Variants in NLGN1 observed in about 807,000 individuals in gnomAD.
NLGN1 encodes the protein neuroligin-1.
NLGN1 carries 12 observed loss-of-function variants against 65.5 expected under a neutral mutation model. That is an observed-to-expected ratio of 0.18 (90% CI 0.12 to 0.30). The LOEUF is 0.30. NLGN1 is among the 10% of genes least tolerant of loss of function. NLGN1 has a pLI of 1.00. For synonymous variants in NLGN1, 350 were observed against 359.5 expected, an observed-to-expected ratio of 0.97 and a Z score of 0.30; for missense variants, 750 against 1,007.1, an observed-to-expected ratio of 0.74 and a Z score of 3.46.
In NLGN1 at chr3:173,501,074, T is replaced by C. The variant is rs1209080500; in HGVS notation, c.-321+65996T>C. Among the ~76,000 whole-genome samples, 4 of 152,156 alleles carry C rather than the reference T, an allele frequency of 2.6e-5. No individual in the cohort carries two copies. In the East Asian group the frequency reaches 7.7e-4, roughly 29 times the overall value. On this transcript the variant is annotated intron_variant, in intron 2 of 6. Coordinates refer to ENST00000457714, the Ensembl canonical transcript of NLGN1. ...GGTTTTTAAAAATCTTTTTCCAAGA[T>C]ATCTCAGAGTTTTATGTATTTATTT...
intron 4 of NLGN1, among the ~76,000 whole-genome samples, chr3:173,826,158 A>T (rs893639214): frequency 6.6e-6 from 1 of 152,056 alleles, no homozygotes; most frequent in African/African-American, 2.4e-5. Flanking sequence ...TAGTGGCTTA[A>T]AATGACAAAA....
rs1310440906 is a variant in NLGN1, at chr3:173,571,075, GGTCTTTCT to G, written c.-320-33201_-320-33194del. On this transcript the variant is annotated intron_variant, in intron 2 of 6. Coordinates refer to ENST00000457714, the Ensembl canonical transcript of NLGN1. ...AAAGCCACAAGACTAAGTTATCTGA[GGTCTTTCT>G]GTACCCCACACCACTTAAGGAAAAA... 2.0e-5 allele frequency among the ~76,000 whole-genome samples: 3 copies of G among 152,226 alleles called. No individual in the cohort carries two copies. In the East Asian group the frequency reaches 5.8e-4, roughly 29 times the overall value.
At chr3:173,671,320 C>T (rs1000345495) in intron 3 of NLGN1, among the ~76,000 whole-genome samples, 5 of 151,940 alleles carry the variant, frequency 3.3e-5, no homozygotes, top group Admixed American at 2.0e-4. Flanking sequence ...GGCAAAATGG[C>T]GAAACCCCGC....
At chr3:173,844,212 A>G (rs915387072) in intron 4 of NLGN1, among the ~76,000 whole-genome samples, 14 of 152,130 alleles carry the variant, frequency 9.2e-5, no homozygotes, top group African/African-American at 3.1e-4. Context: ...CATGGGGATT[A>G]TGGGAGTTAC....
chr3:173,747,817 T>C (rs1775736027), intron 3 of NLGN1, among the ~76,000 whole-genome samples: 1 of 130,002 alleles, frequency 7.7e-6, no homozygotes, highest in Non-Finnish European at 1.6e-5. Context: ...TTTTTTTTTT[T>C]TTTTTTTTTT....
intron 3 of NLGN1, among the ~76,000 whole-genome samples, chr3:173,746,049 A>G (rs367875341): frequency 3.9e-5 from 6 of 152,020 alleles, no homozygotes; most frequent in East Asian, 1.9e-4. Flanking sequence ...TTATAAAGGT[A>G]ATTATAAGGA....
intron 4 of NLGN1, among the ~76,000 whole-genome samples, chr3:173,849,585 A>T (rs1292832183): frequency 6.6e-6 from 1 of 152,210 alleles, no homozygotes; most frequent in Non-Finnish European, 1.5e-5. Context: ...TTTAGGTATG[A>T]GTATCATCCT....
chr3:173,918,702 GTATATATA>G (rs763046532), intron 4 of NLGN1, among the ~76,000 whole-genome samples: 27 of 68,004 alleles, frequency 4.0e-4, no homozygotes, highest in African/African-American at 1.4e-3. Flanking sequence ...GTGTGTGTGT[GTATATATA>G]TATATTGCAT....
intron 4 of NLGN1, among the ~76,000 whole-genome samples, chr3:174,006,724 A>T (rs1196826426): frequency 6.6e-6 from 1 of 152,154 alleles, no homozygotes; most frequent in Non-Finnish European, 1.5e-5. Flanking sequence ...TTAAGTTAAA[A>T]TGAGGCTGTT....
chr3:174,073,332 G>A (rs1455748762), intron 4 of NLGN1, among the ~76,000 whole-genome samples: 3 of 151,866 alleles, frequency 2.0e-5, no homozygotes, highest in Non-Finnish European at 4.4e-5. Flanking sequence ...TAGCTAAGAG[G>A]TTATGCTGCA....
At position 173,504,947 on chromosome 3, in the gene NLGN1, A is replaced by T. The variant is rs180997522; in HGVS notation, c.-321+69869A>T. ...TTAAGGCCTCAAATCTAAAGAGCAG[A>T]TCCAGAGATTTCAGAGCCTGTTTGA... On this transcript the variant is annotated intron_variant, in intron 2 of 6. Coordinates refer to ENST00000457714, the Ensembl canonical transcript of NLGN1. 2.2e-3 allele frequency among the ~76,000 whole-genome samples: 328 copies of T among 152,206 alleles called. 1 individual carries two copies. The highest frequency in any genetic ancestry group is 7.1e-3 in the African/African-American group (297 of 41,540).
At chr3:174,153,441 A>G (rs924894023) in intron 4 of NLGN1, among the ~76,000 whole-genome samples, 2 of 152,144 alleles carry the variant, frequency 1.3e-5, no homozygotes, top group South Asian at 4.1e-4. Context: ...TTTTGCTTAC[A>G]GAGAAAATTG....
chr3:173,442,217 T>A (rs1165853357), intron 2 of NLGN1, among the ~76,000 whole-genome samples: 1 of 152,170 alleles, frequency 6.6e-6, no homozygotes, highest in Non-Finnish European at 1.5e-5. Flanking sequence ...TATTTTTGAT[T>A]TTAAAATCAT....
chr3:174,039,114 C>A (rs973090648), intron 4 of NLGN1, among the ~76,000 whole-genome samples: 2 of 151,982 alleles, frequency 1.3e-5, no homozygotes, highest in East Asian at 3.9e-4. Flanking sequence ...TGAGACTCCT[C>A]GGGCATGAGA....
chr3:173,898,589 G>T (rs1004174758), intron 4 of NLGN1, among the ~76,000 whole-genome samples: 1 of 152,190 alleles, frequency 6.6e-6, no homozygotes, highest in South Asian at 2.1e-4. Context: ...CTATAACAAT[G>T]TAGTAGCTTC....
At chr3:174,247,762 G>A (rs1429322649) in intron 4 of NLGN1, among the ~76,000 whole-genome samples, 2 of 152,250 alleles carry the variant, frequency 1.3e-5, no homozygotes, top group East Asian at 1.9e-4. Flanking sequence ...CATCTCAGCT[G>A]GAAACCACCC....
intron 3 of NLGN1, among the ~76,000 whole-genome samples, chr3:173,767,142 AAAG>A (rs924601750): frequency 2.4e-4 from 37 of 152,260 alleles, no homozygotes; most frequent in Admixed American, 2.1e-3. Context: ...TGGAAAAACA[AAAG>A]AAGGGACTGG....
At chr3:173,466,458 C>T (rs115364373) in intron 2 of NLGN1, among the ~76,000 whole-genome samples, 165 of 152,122 alleles carry the variant, frequency 1.1e-3, no homozygotes, top group African/African-American at 3.9e-3. Flanking sequence ...AAGATAATAC[C>T]ACTGGTGTAG....
chr3:173,517,809 A>ATCTG (rs1403571733), intron 2 of NLGN1, among the ~76,000 whole-genome samples: 1 of 149,804 alleles, frequency 6.7e-6, no homozygotes, highest in Non-Finnish European at 1.5e-5. Context: ...TATCATATCT[A>ATCTG]TCTGTCATCT....
Sources: allele counts gnomAD v4.1 joint callset (sites outside exome capture counted in the v4.1 genomes callset), GRCh38; gene constraint gnomAD v4.1.1; transcripts MANE v1.5; gene names NCBI Gene and HGNC (gene_info 2026-07-23, HGNC 2026-07-21).